The following NAT1 variants were observed in gnomAD, a reference collection of about 807,000 sequenced individuals.
NAT1 encodes the protein N-acetyltransferase 1.
For synonymous variants in NAT1, 144 were observed against 122.6 expected, an observed-to-expected ratio of 1.17 and a Z score of -1.16; for missense variants, 400 against 339.2, an observed-to-expected ratio of 1.18 and a Z score of -1.41.
At position 18,199,156 on chromosome 8, in the gene NAT1, A is replaced by C. The variant is rs771095080; in HGVS notation, n.93-10625A>C. Among the ~76,000 whole-genome samples the C allele has an allele frequency of 1.1e-4, 16 of 152,032 alleles. No individual in the cohort carries two copies. The South Asian group carries it at 3.3e-3, about 32-fold the overall frequency. On this transcript the variant is annotated intron_variant and non_coding_transcript_variant, in intron 2 of 4. Transcript: ENST00000517441. ...TAGTAAAACCCTGTCTCTACTAAAAATACAAACATTAGCCAGGTGTGGTGG... is the reference window on the plus strand; with the variant it reads ...TAGTAAAACCCTGTCTCTACTAAAACTACAAACATTAGCCAGGTGTGGTGG...
At chr8:18,219,946 A>G (rs571161851) in intron 2 of NAT1, among the ~76,000 whole-genome samples, 1 of 152,360 alleles carries the variant, frequency 6.6e-6, no homozygotes, top group East Asian at 1.9e-4. Context: ...CTTGTAAACA[A>G]GTTAAACCAA....
chr8:18,209,684 A>T (rs905748034), upstream of NAT1: 3 of 152,158 alleles, frequency 2.0e-5, no homozygotes, highest in Non-Finnish European at 2.9e-5. Context: ...GGGAAGAAAA[A>T]TTTTTAAAAG....
intron 2 of NAT1, among the ~76,000 whole-genome samples, chr8:18,188,211 C>T (rs1802822759): frequency 1.3e-5 from 2 of 152,200 alleles, no homozygotes; most frequent in Admixed American, 1.3e-4. Flanking sequence ...CAATTAGACA[C>T]ATCCCTGAAA....
intron 2 of NAT1, among the ~76,000 whole-genome samples, chr8:18,193,676 G>C (rs1295754867): frequency 8.0e-6 from 1 of 125,238 alleles, no homozygotes; most frequent in Admixed American, 9.1e-5. Flanking sequence ...TTCACTCTTG[G>C]GGTCACCCAG....
At chr8:18,191,652 C>T (rs1047601721) in intron 2 of NAT1, among the ~76,000 whole-genome samples, 7 of 152,038 alleles carry the variant, frequency 4.6e-5, no homozygotes, top group African/African-American at 1.2e-4. Context: ...AGATATAGAT[C>T]GATGGAACAG....
intron 2 of NAT1, among the ~76,000 whole-genome samples, chr8:18,175,890 T>A (rs926938404): frequency 1.3e-5 from 2 of 152,144 alleles, no homozygotes; most frequent in Non-Finnish European, 2.9e-5. Context: ...CTCTTTTGGA[T>A]AATAGCTATT....
chr8:18,219,335 C>T (rs1425521066), intron 1 of NAT1, 76 bp from the exon 2 acceptor site: 19 of 933,234 alleles, frequency 2.0e-5, no homozygotes, highest in South Asian at 3.2e-5. Context: ...TCATAATTTA[C>T]GGTCTACAAA....
intron 2 of NAT1, among the ~76,000 whole-genome samples, chr8:18,190,469 C>A (rs911313976): frequency 2.0e-5 from 3 of 152,254 alleles, no homozygotes; most frequent in African/African-American, 7.2e-5. Context: ...AGTGTTTCCT[C>A]TTTACCCTAC....
At chr8:18,179,017 G>A (rs983531135) in intron 2 of NAT1, among the ~76,000 whole-genome samples, 27 of 151,976 alleles carry the variant, frequency 1.8e-4, no homozygotes, top group Admixed American at 4.6e-4. Flanking sequence ...TTGTTCCTGC[G>A]TGCCTTTAAT....
chr8:18,206,531 T>C (rs1451708623), upstream of NAT1, among the ~76,000 whole-genome samples: 1 of 152,200 alleles, frequency 6.6e-6, no homozygotes, highest in Non-Finnish European at 1.5e-5. Context: ...CAGGACTGTA[T>C]GTATGAGCAA....
chr8:18,175,478 T>C (rs1214249437), intron 2 of NAT1, among the ~76,000 whole-genome samples: 1 of 152,140 alleles, frequency 6.6e-6, no homozygotes, highest in Non-Finnish European at 1.5e-5. Context: ...TTTGTTTCCA[T>C]GACTGGCTTA....
At chr8:18,197,609 C>G (rs1051248671) in intron 2 of NAT1, among the ~76,000 whole-genome samples, 2 of 152,218 alleles carry the variant, frequency 1.3e-5, no homozygotes, top group Admixed American at 6.5e-5. Flanking sequence ...ATGTTCTACA[C>G]TTTCATTAGG....
upstream of NAT1, among the ~76,000 whole-genome samples, chr8:18,207,787 A>G (rs1803788078): frequency 6.6e-6 from 1 of 152,306 alleles, no homozygotes; most frequent in East Asian, 1.9e-4. Flanking sequence ...AGGAATATAA[A>G]TCATTCTATT....
rs571816355 is a variant in NAT1 at position 18,186,795 on chromosome 8, A to G, written n.92+16056A>G. ...AAAATTAATTGCTAAAAATTGACAA[A>G]TGGGAACTAATTAATCTAAAGAGCT... On this transcript the variant is annotated intron_variant and non_coding_transcript_variant, in intron 2 of 4. Coordinates refer to the NAT1 transcript ENST00000517441. 2.2e-4 allele frequency among the ~76,000 whole-genome samples: 34 copies of G among 152,322 alleles called. 1 individual carries two copies. The highest frequency in any genetic ancestry group is 7.9e-4 in the African/African-American group (33 of 41,582).
Position 18,179,043 on chromosome 8 carries a change from C to T in NAT1, n.92+8304C>T, listed in dbSNP as rs374045078. 1.3e-3 allele frequency among the ~76,000 whole-genome samples: 195 copies of T among 152,150 alleles called. 5 individuals are homozygous for T. The South Asian group carries it at 0.039, about 31-fold the overall frequency. ...TGCCTTTAATTAGTCAACATTTATCCCTCTATATTCCACTGTATGCCCGGC... is the reference window on the plus strand; with the variant it reads ...TGCCTTTAATTAGTCAACATTTATCTCTCTATATTCCACTGTATGCCCGGC... On this transcript the variant is annotated intron_variant and non_coding_transcript_variant, in intron 2 of 4. Transcript: ENST00000517441.
At chr8:18,195,852 T>C (rs1296992227) in intron 2 of NAT1, among the ~76,000 whole-genome samples, 1 of 151,818 alleles carries the variant, frequency 6.6e-6, no homozygotes, top group African/African-American at 2.4e-5. Flanking sequence ...GGGGATCAGA[T>C]CTTTTCGACC....
intron 2 of NAT1, among the ~76,000 whole-genome samples, chr8:18,191,281 TA>T (rs1181762093): frequency 6.6e-6 from 1 of 152,130 alleles, no homozygotes; most frequent in African/African-American, 2.4e-5. Flanking sequence ...CACAACAAAA[TA>T]ATAGGTTTTA....
At chr8:18,172,173 C>T (rs979683437) in intron 2 of NAT1, among the ~76,000 whole-genome samples, 16 of 152,244 alleles carry the variant, frequency 1.1e-4, no homozygotes, top group African/African-American at 3.4e-4. Flanking sequence ...ATTAGCTAAT[C>T]GGGAGTTAAT....
intron 1 of NAT1, among the ~76,000 whole-genome samples, chr8:18,217,413 T>C (rs1360340006): frequency 6.6e-6 from 1 of 152,226 alleles, no homozygotes; most frequent in Non-Finnish European, 1.5e-5. Context: ...GCTGAGTAAA[T>C]GTAGACTATC....
Sources: gnomAD v4.1 joint callset for allele counts (sites outside exome capture counted in the v4.1 genomes callset) on GRCh38, gnomAD v4.1.1 for gene constraint, MANE v1.5 for transcripts, NCBI Gene and HGNC (gene_info 2026-07-23, HGNC 2026-07-21) for gene names.